The following FAF1 variants were observed in gnomAD, a reference collection of about 807,000 sequenced individuals.
FAF1 encodes the protein Fas associated factor 1.
In FAF1, 25 loss-of-function variants were observed where a neutral mutation model predicts 92.5. The ratio of observed to expected loss-of-function variants is 0.27; its 90% CI spans 0.20 to 0.38. FAF1 has a LOEUF of 0.38. FAF1 is among the 10% of genes least tolerant of loss of function. FAF1 has a pLI of 1.00. For missense variants in FAF1, 636 were observed against 793.3 expected (o/e 0.80, Z 2.38); for synonymous variants, 234 against 273.2 (o/e 0.86, Z 1.42).
intron 15 of FAF1, among the ~76,000 whole-genome samples, chr1:50,507,803 T>C (rs920866059): frequency 1.3e-5 from 2 of 152,230 alleles, no homozygotes; most frequent in African/African-American, 2.4e-5. Context: ...CCCCAGGTTA[T>C]GGTCTAATCA....
intron 12 of FAF1, among the ~76,000 whole-genome samples, chr1:50,574,219 T>C (rs1444704157): frequency 1.3e-5 from 2 of 152,264 alleles, no homozygotes; most frequent in Non-Finnish European, 2.9e-5. Flanking sequence ...TTGCTTAGAC[T>C]GTAATACTCA....
chr1:50,831,806 A>C (rs924150886), intron 2 of FAF1, among the ~76,000 whole-genome samples: 7 of 61,726 alleles, frequency 1.1e-4, no homozygotes, highest in Non-Finnish European at 1.9e-4. Context: ...TATCAGAGAC[A>C]AAAAAAAAAA....
intron 2 of FAF1, chr1:50,846,910 T>C: frequency 2.8e-6 from 1 of 351,126 alleles, no homozygotes; most frequent in South Asian, 2.8e-5. Context: ...TGAGAAGAAA[T>C]AGTTTACAAG....
chr1:50,902,141 T>C (rs751525328), intron 1 of FAF1, among the ~76,000 whole-genome samples: 1 of 152,224 alleles, frequency 6.6e-6, no homozygotes, highest in Non-Finnish European at 1.5e-5. Flanking sequence ...GGTGATCAGT[T>C]GATTACTGTA....
At chr1:50,730,807 T>C (rs1658881924) in intron 6 of FAF1, among the ~76,000 whole-genome samples, 1 of 152,208 alleles carries the variant, frequency 6.6e-6, no homozygotes, top group South Asian at 2.1e-4. Flanking sequence ...GTATTTGCTC[T>C]TGAACTTCCC....
chr1:50,588,771 C>A (rs1270491172), intron 9 of FAF1, among the ~76,000 whole-genome samples: 1 of 152,190 alleles, frequency 6.6e-6, no homozygotes, highest in African/African-American at 2.4e-5. Flanking sequence ...TGTCCAGCAA[C>A]AAAGGGCCAT....
chr1:50,729,047 TATATATATATA>T lies in FAF1; in HGVS notation c.551+9805_551+9815del, dbSNP rs1218213173. 9.1e-5 allele frequency among the ~76,000 whole-genome samples: 8 copies of T among 88,016 alleles called. No homozygotes were observed. In the South Asian group the frequency reaches 1.7e-3, roughly 19 times the overall value. 57.7% of individuals were successfully genotyped at this position (88,016 alleles called of 152,430 possible). On this transcript the variant is annotated intron_variant, in intron 6 of 18. Transcript: ENST00000396153. The stretch of plus-strand genomic sequence containing the variant: ...CTATCTATCTATCTATATATATATA[TATATATATATA>T]TTTTTTTTTTTTTTGAGGCAGAGTT...
intron 15 of FAF1, among the ~76,000 whole-genome samples, chr1:50,502,582 A>G (rs191187225): frequency 6.6e-6 from 1 of 152,270 alleles, no homozygotes; most frequent in East Asian, 1.9e-4. Flanking sequence ...CACAAGTATA[A>G]ATTGTATAAC....
At chr1:50,563,483 T>C (rs1650028106) in intron 13 of FAF1, among the ~76,000 whole-genome samples, 4 of 152,034 alleles carry the variant, frequency 2.6e-5, no homozygotes, top group Admixed American at 2.6e-4. Context: ...AAGGGCTTCC[T>C]GTCACTGTTT....
chr1:50,838,184 C>T (rs148578588), intron 2 of FAF1, among the ~76,000 whole-genome samples: 3 of 152,090 alleles, frequency 2.0e-5, no homozygotes, highest in Non-Finnish European at 4.4e-5. Flanking sequence ...TGGGCTGAAC[C>T]ATCTGGGGTA....
chr1:50,452,504 T>G (rs968231847), intron 18 of FAF1, among the ~76,000 whole-genome samples: 2 of 152,174 alleles, frequency 1.3e-5, no homozygotes, highest in Non-Finnish European at 2.9e-5. Flanking sequence ...TGTGGTGACT[T>G]GAAAAAGGCT....
At chr1:50,879,917 A>G (rs1026197165) in intron 1 of FAF1, among the ~76,000 whole-genome samples, 1 of 152,212 alleles carries the variant, frequency 6.6e-6, no homozygotes, top group Non-Finnish European at 1.5e-5. Flanking sequence ...GGACTATGGG[A>G]ATCTGCCTAA....
At chr1:50,671,834 G>A (rs1035340109) in intron 7 of FAF1, among the ~76,000 whole-genome samples, 2 of 151,082 alleles carry the variant, frequency 1.3e-5, no homozygotes, top group East Asian at 1.9e-4. Context: ...TAGAGACAGG[G>A]TCTGGCTGTG....
chr1:50,452,989 G>A (rs1009067045), intron 18 of FAF1, among the ~76,000 whole-genome samples: 11 of 152,178 alleles, frequency 7.2e-5, no homozygotes, highest in African/African-American at 2.7e-4. Flanking sequence ...CAAAATGTCT[G>A]ATCCTGTCCT....
At chr1:50,539,464 T>G (rs1648655032) in intron 14 of FAF1, 128 bp downstream of exon 14, 1 of 586,674 alleles carries the variant, frequency 1.7e-6, no homozygotes, top group Non-Finnish European at 2.7e-6. Context: ...TGAAGACATT[T>G]TTCAGGATAT....
chr1:50,695,335 G>A (rs1443444470), intron 7 of FAF1, among the ~76,000 whole-genome samples: 2 of 151,932 alleles, frequency 1.3e-5, no homozygotes, highest in African/African-American at 4.8e-5. Context: ...TTGAACCTGG[G>A]AGGTGGAGGT....
intron 4 of FAF1, among the ~76,000 whole-genome samples, chr1:50,759,514 G>A (rs1022341399): frequency 6.6e-6 from 1 of 151,878 alleles, no homozygotes; most frequent in Admixed American, 6.6e-5. Flanking sequence ...GTATTCCATG[G>A]TGTATATGTG....
chr1:50,769,347 T>C (rs6691061), intron 4 of FAF1, among the ~76,000 whole-genome samples: 73,098 of 151,996 alleles, frequency 0.48, 19,392 homozygotes, highest in African/African-American at 0.7. Flanking sequence ...GAGCTCACAG[T>C]TGAGTTCTAC....
intron 1 of FAF1, among the ~76,000 whole-genome samples, chr1:50,878,403 G>A (rs536392472): frequency 1.3e-5 from 2 of 152,296 alleles, no homozygotes; most frequent in South Asian, 4.1e-4. Context: ...TTCTAGTCAG[G>A]TAACTCACAA....
Sources: gnomAD v4.1 joint callset for allele counts (sites outside exome capture counted in the v4.1 genomes callset) on GRCh38, gnomAD v4.1.1 for gene constraint, MANE v1.5 for transcripts, NCBI Gene and HGNC (gene_info 2026-07-23, HGNC 2026-07-21) for gene names.